PPP1R42: variants seen among roughly 807,000 people sequenced by gnomAD.
PPP1R42 encodes leucine rich repeat containing 67.
A neutral mutation model predicts 31.0 loss-of-function variants in PPP1R42; 34 were observed. That is an observed-to-expected ratio of 1.10 (90% CI 0.83 to 1.46). The LOEUF (loss-of-function observed/expected upper bound fraction) is 1.46. PPP1R42 is among the 40% of genes most tolerant of loss of function. PPP1R42 has a pLI of 0.00. For synonymous variants in PPP1R42, 103 were observed against 109.8 expected (o/e 0.94, Z 0.39); for missense variants, 268 against 303.0 (o/e 0.88, Z 0.86).
At chr8:66,988,665 T>A (rs549710553) in intron 5 of PPP1R42, 148 bp from the exon 6 acceptor site, 45 of 638,576 alleles carry the variant, frequency 7.0e-5, no homozygotes, top group Middle Eastern at 4.1e-4. Flanking sequence ...ATAACTAAAT[T>A]TTGAATAAAA....
chr8:67,005,348 T>C (rs1815641138), intron 5 of PPP1R42, among the ~76,000 whole-genome samples: 1 of 152,182 alleles, frequency 6.6e-6, no homozygotes, highest in Non-Finnish European at 1.5e-5. Context: ...TGACTCCTGA[T>C]GGAACTGATC....
intron 5 of PPP1R42, chr8:67,010,487 A>G: frequency 4.9e-6 from 2 of 409,714 alleles, no homozygotes; most frequent in Non-Finnish European, 8.6e-6. Flanking sequence ...CAGAGAAACT[A>G]TTATTCTGTT....
chr8:67,023,674 T>C (rs1816292035), intron 1 of PPP1R42, among the ~76,000 whole-genome samples: 1 of 152,150 alleles, frequency 6.6e-6, no homozygotes, highest in Non-Finnish European at 1.5e-5. Flanking sequence ...TTCTTTTTTA[T>C]TGTGTTATTG....
intron 5 of PPP1R42, among the ~76,000 whole-genome samples, chr8:67,001,831 C>T (rs1355029801): frequency 6.6e-6 from 1 of 152,114 alleles, no homozygotes; most frequent in African/African-American, 2.4e-5. Context: ...TGTGTGGTTG[C>T]ACACATCAGT....
At chr8:66,972,679 C>T (rs139932848) in intron 7 of PPP1R42, among the ~76,000 whole-genome samples, 114 of 152,194 alleles carry the variant, frequency 7.5e-4, no homozygotes, top group Non-Finnish European at 1.2e-3. Context: ...CATGAGCCAC[C>T]GCACCTGGCC....
At chr8:66,969,454 T>C (rs1003541648) in intron 7 of PPP1R42, among the ~76,000 whole-genome samples, 1 of 152,164 alleles carries the variant, frequency 6.6e-6, no homozygotes, top group African/African-American at 2.4e-5. Context: ...CTCACATAGC[T>C]CCTGTTTTAT....
At chr8:67,005,297 C>G (rs1282007857) in intron 5 of PPP1R42, among the ~76,000 whole-genome samples, 1 of 151,906 alleles carries the variant, frequency 6.6e-6, no homozygotes, top group Non-Finnish European at 1.5e-5. Context: ...GGTGGCCACT[C>G]CCTCTTTCTT....
At chr8:67,019,401 C>T (rs1223042852) in intron 1 of PPP1R42, among the ~76,000 whole-genome samples, 4 of 150,126 alleles carry the variant, frequency 2.7e-5, no homozygotes, top group Non-Finnish European at 5.9e-5. Flanking sequence ...CCACCATGCC[C>T]GGCTAATTTT....
chr8:66,964,640 A>G (rs551358595), intron 7 of PPP1R42, among the ~76,000 whole-genome samples: 1 of 152,320 alleles, frequency 6.6e-6, no homozygotes, highest in Admixed American at 6.5e-5. Context: ...TTTTGCACCC[A>G]GATTGTCCTT....
At chr8:66,976,681 A>T (rs1305738200) in intron 7 of PPP1R42, among the ~76,000 whole-genome samples, 2 of 144,194 alleles carry the variant, frequency 1.4e-5, no homozygotes, top group East Asian at 4.0e-4. Context: ...TTTCTGGCTT[A>T]TTTCACTTAA....
intron 2 of PPP1R42, among the ~76,000 whole-genome samples, 190 bp downstream of exon 2, chr8:67,017,429 G>C (rs1218089653): frequency 6.6e-6 from 1 of 152,112 alleles, no homozygotes; most frequent in Non-Finnish European, 1.5e-5. Context: ...GGGAGGTGGA[G>C]GTTGCAGTGA....
At chr8:67,003,957 G>A (rs1815591395) in intron 5 of PPP1R42, among the ~76,000 whole-genome samples, 1 of 152,166 alleles carries the variant, frequency 6.6e-6, no homozygotes, top group African/African-American at 2.4e-5. Context: ...GGGCGTGGTG[G>A]CGGGCGCCTG....
Position 66,985,562 on chromosome 8 carries a change from G to A in PPP1R42, c.670+2838C>T, listed in dbSNP as rs191242791. On this transcript the variant is annotated intron_variant, in intron 6 of 7. Coordinates refer to ENST00000685739, the MANE Select transcript of PPP1R42 (RefSeq NM_001364910.1). Reference sequence around the variant, plus strand: ...CCCACCATGTTGGCATTGCTGATGAGTCCTGGCTTCAGTGCCAGCCCGGCT... The same window carrying A: ...CCCACCATGTTGGCATTGCTGATGAATCCTGGCTTCAGTGCCAGCCCGGCT... The A allele has an allele frequency of 1.5e-5, 20 of 1,334,750 alleles. No individual in the cohort carries two copies. The Admixed American group carries it at 3.4e-4, about 23-fold the overall frequency. 82.7% of individuals were successfully genotyped at this position (1,334,750 alleles called of 1,614,324 possible).
chr8:66,965,528 CG>C (rs534020431), intron 7 of PPP1R42, among the ~76,000 whole-genome samples: 36 of 151,468 alleles, frequency 2.4e-4, no homozygotes, highest in African/African-American at 8.5e-4. Flanking sequence ...GCTTGAACTC[CG>C]GGGATCAAGT....
intron 6 of PPP1R42, chr8:66,986,043 C>T (rs1323346202): frequency 5.4e-6 from 4 of 746,738 alleles, no homozygotes; most frequent in African/African-American, 1.7e-5. Context: ...GTCCACAAAT[C>T]GGGGAGTAGA....
At position 66,964,292 on chromosome 8, in the gene PPP1R42, AT is replaced by A; in HGVS notation, c.*28del. 2.3e-6 allele frequency: 3 copies of A among 1,279,638 alleles called. No homozygotes were observed. Among genetic ancestry groups the A allele is most frequent in the African/African-American group, 1.5e-5 (1 of 65,360 alleles). The allele number at this position is 1,279,638 out of a possible 1,614,324, so 79.3% of individuals were successfully genotyped here. ...GGAAGAGGTGAGGTTCATGCACATCATTTTTTGTCAGCAAGCTTTCAGATTG... is the reference window on the plus strand; with the variant it reads ...GGAAGAGGTGAGGTTCATGCACATCATTTTTGTCAGCAAGCTTTCAGATTG... On this transcript the variant is annotated 3_prime_UTR_variant, in exon 8 of 8. Coordinates refer to ENST00000685739, the MANE Select transcript of PPP1R42 (RefSeq NM_001364910.1).
In PPP1R42 at chr8:66,973,045, A is replaced by G. The variant is rs577721732; in HGVS notation, c.803-8711T>C. Among the ~76,000 whole-genome samples, 4 of 152,322 alleles carry G rather than the reference A, an allele frequency of 2.6e-5. No homozygotes were observed. The East Asian group carries it at 7.7e-4, about 29-fold the overall frequency. ...CTGCCTCACAGGTTATAATGATTAAATGCAGTAATGTATGTAAATATCTGA... is the reference window on the plus strand; with the variant it reads ...CTGCCTCACAGGTTATAATGATTAAGTGCAGTAATGTATGTAAATATCTGA... On this transcript the variant is annotated intron_variant, in intron 7 of 7. Transcript: ENST00000685739.
rs1815131378 is a variant in PPP1R42 at position 66,989,602 on chromosome 8, G to T, written c.553-1085C>A. On this transcript the variant is annotated intron_variant, in intron 5 of 7. Transcript: ENST00000685739. ...TCAACAAAAGTAGTGCACATAGCTT[G>T]GCTATTGTGAATATTGCTGCAAAGA... Among the ~76,000 whole-genome samples, 5 of 152,076 alleles carry T rather than the reference G, an allele frequency of 3.3e-5. No homozygotes were observed. The South Asian group carries it at 1.0e-3, about 31-fold the overall frequency.
At chr8:67,008,720 A>G (rs1024767612) in intron 5 of PPP1R42, among the ~76,000 whole-genome samples, 1 of 152,036 alleles carries the variant, frequency 6.6e-6, no homozygotes, top group African/African-American at 2.4e-5. Flanking sequence ...AAAAAAAAAA[A>G]AAAAAGAGGA....
Sources: allele counts gnomAD v4.1 joint callset (sites outside exome capture counted in the v4.1 genomes callset), GRCh38; gene constraint gnomAD v4.1.1; transcripts MANE v1.5; gene names NCBI Gene and HGNC (gene_info 2026-07-23, HGNC 2026-07-21).